The following SORCS2 variants were observed in gnomAD, a reference collection of about 807,000 sequenced individuals.
SORCS2 encodes VPS10 domain-containing receptor SorCS2.
In SORCS2, 100 loss-of-function variants were observed where a neutral mutation model predicts 141.6. The observed-to-expected ratio is 0.71, with a 90% CI of 0.60 to 0.83. The LOEUF is 0.83. Among genes scored for constraint, SORCS2 ranks in the 40% least tolerant of loss-of-function variants. The pLI is 0.00. For missense variants in SORCS2, 1,646 were observed against 1,560.2 expected (o/e 1.05, Z -0.93); for synonymous variants, 789 against 676.9 (o/e 1.17, Z -2.57).
intron 2 of SORCS2, among the ~76,000 whole-genome samples, chr4:7,475,122 C>A (rs1375722772): frequency 2.6e-5 from 4 of 152,268 alleles, no homozygotes; most frequent in Middle Eastern, 3.4e-3. Context: ...TTAAACATAC[C>A]TTTTAGGGGC....
chr4:7,342,013 T>C (rs985596639), intron 1 of SORCS2, among the ~76,000 whole-genome samples: 17 of 152,246 alleles, frequency 1.1e-4, no homozygotes, highest in African/African-American at 3.9e-4. Context: ...AGTCACGTCA[T>C]ACCATGTGTC....
chr4:7,386,097 G>T (rs985328060), intron 1 of SORCS2, among the ~76,000 whole-genome samples: 2 of 151,686 alleles, frequency 1.3e-5, no homozygotes, highest in East Asian at 3.9e-4. Context: ...ATGCACACAT[G>T]CACACACACA....
intron 2 of SORCS2, among the ~76,000 whole-genome samples, chr4:7,479,822 C>T (rs1560318720): frequency 6.6e-6 from 1 of 152,258 alleles, no homozygotes; most frequent in Non-Finnish European, 1.5e-5. Context: ...GAGTCAGCCT[C>T]TCACTCTCTG....
intron 5 of SORCS2, among the ~76,000 whole-genome samples, chr4:7,658,443 C>T (rs1721945566): frequency 6.6e-6 from 1 of 152,154 alleles, no homozygotes; most frequent in Admixed American, 6.5e-5. Context: ...GGGCCTGCTG[C>T]TGAAGGGAAC....
rs1006973635 is a variant in SORCS2 at position 7,322,949 on chromosome 4, G to A, written c.481-73339G>A. 2.8e-5 allele frequency among the ~76,000 whole-genome samples: 4 copies of A among 141,158 alleles called. No individual in the cohort carries two copies. In the East Asian group the frequency reaches 8.6e-4, roughly 30 times the overall value. 92.6% of individuals were successfully genotyped at this position (141,158 alleles called of 152,430 possible). On this transcript the variant is annotated intron_variant, in intron 1 of 26. Coordinates refer to ENST00000507866, the MANE Select transcript of SORCS2 (RefSeq NM_020777.3). ...TTTCAGTTTCTGCTGAAATCTACTA[G>A]GGCCTTGAGGACGGCCCTGCCCGTT...
Position 7,192,682 on chromosome 4 carries a change from C to A in SORCS2, c.36C>A (p.Gly12=). 2.0e-6 allele frequency: 2 copies of A among 988,572 alleles called. No individual in the cohort carries two copies. The highest frequency in any genetic ancestry group is 3.5e-5 in the African/African-American group (2 of 56,926). 61.2% of individuals were successfully genotyped at this position (988,572 alleles called of 1,614,324 possible). ...AHRGPSRASK[G]PGPTARAPSP... ...GGGGGCCCTCGCGCGCCTCGAAGGG[C>A]CCCGGCCCCACCGCCCGAGCCCCGA... The change falls in exon 1 of 27, where the codon GGC becomes GGA. Residue 12 remains glycine (G), a synonymous_variant. Coordinates refer to ENST00000507866, the MANE Select transcript of SORCS2 (RefSeq NM_020777.3). The surrounding 1 kb of genome is among the most constrained non-coding windows in gnomAD (Gnocchi z 4.0).
intron 2 of SORCS2, among the ~76,000 whole-genome samples, chr4:7,440,390 A>C (rs1297776773): frequency 1.3e-5 from 2 of 152,304 alleles, no homozygotes; most frequent in South Asian, 2.1e-4. Context: ...ACCAAGGGAG[A>C]GCACGAATAG....
chr4:7,320,877 C>CTCCCT (rs1272435069), intron 1 of SORCS2, among the ~76,000 whole-genome samples: 3 of 152,018 alleles, frequency 2.0e-5, no homozygotes, highest in Non-Finnish European at 4.4e-5. Context: ...TCCTCCCTTC[C>CTCCCT]TCCCTTCCCC....
chr4:7,466,972 T>C (rs573569731), intron 2 of SORCS2, among the ~76,000 whole-genome samples: 1 of 152,204 alleles, frequency 6.6e-6, no homozygotes, highest in South Asian at 2.1e-4. Flanking sequence ...CTTGTATGTA[T>C]GCAGGTGGCT....
At chr4:7,501,124 G>A (rs958300488) in intron 2 of SORCS2, among the ~76,000 whole-genome samples, 2 of 152,162 alleles carry the variant, frequency 1.3e-5, no homozygotes, top group African/African-American at 4.8e-5. Flanking sequence ...CGGGTGAGAC[G>A]AATCTTGCCC....
chr4:7,496,472 G>A (rs1196137584), intron 2 of SORCS2, among the ~76,000 whole-genome samples: 1 of 21,480 alleles, frequency 4.7e-5, no homozygotes, highest in Non-Finnish European at 1.0e-4. Context: ...CCCGTCCCCC[G>A]TCCCCCATCC....
chr4:7,737,272 G>A (rs979094382), intron 26 of SORCS2, 100 bp downstream of exon 26: 1,232 of 1,501,838 alleles, frequency 8.2e-4, no homozygotes, highest in Non-Finnish European at 1.1e-3. Flanking sequence ...TGGGCCGCTG[G>A]GGCCAGCAAA....
chr4:7,335,420 G>A (rs1035996937), intron 1 of SORCS2, among the ~76,000 whole-genome samples: 4 of 152,366 alleles, frequency 2.6e-5, no homozygotes, highest in South Asian at 4.1e-4. Flanking sequence ...AAACATGGGA[G>A]AGGAATTCCT....
At chr4:7,541,248 T>C (rs1310842774) in intron 3 of SORCS2, among the ~76,000 whole-genome samples, 1 of 151,922 alleles carries the variant, frequency 6.6e-6, no homozygotes, top group Non-Finnish European at 1.5e-5. Context: ...GTGGGCGCCA[T>C]TGTGGCACCC....
In SORCS2 at chr4:7,390,992, G is replaced by C. The variant is rs1482489513; in HGVS notation, c.481-5296G>C. 2.6e-5 allele frequency among the ~76,000 whole-genome samples: 4 copies of C among 152,262 alleles called. No homozygotes were observed. In the East Asian group the frequency reaches 5.8e-4, roughly 22 times the overall value. The stretch of plus-strand genomic sequence containing the variant: ...TCAGGGAGGAGGGGCTGAGCCTTGG[G>C]CGTCTATGTTCTGATTTCTGGTCTA... On this transcript the variant is annotated intron_variant, in intron 1 of 26. Transcript: ENST00000507866.
intron 3 of SORCS2, among the ~76,000 whole-genome samples, chr4:7,585,276 G>A (rs906468303): frequency 5.3e-5 from 8 of 152,196 alleles, no homozygotes; most frequent in African/African-American, 1.7e-4. Flanking sequence ...GGCTAAAACC[G>A]TCAGCTCTAG....
chr4:7,629,751 A>T (rs1039570928), intron 3 of SORCS2, among the ~76,000 whole-genome samples: 4 of 151,658 alleles, frequency 2.6e-5, no homozygotes, highest in Admixed American at 2.6e-4. Context: ...CCAGCCCCAT[A>T]TATCAAACCC....
intron 1 of SORCS2, among the ~76,000 whole-genome samples, chr4:7,261,824 C>G (rs1714348845): frequency 6.6e-6 from 1 of 152,204 alleles, no homozygotes; most frequent in African/African-American, 2.4e-5. Context: ...GGAAGGGGCC[C>G]TGTGGGCATG....
chr4:7,727,679 T>C (rs1266196881), intron 21 of SORCS2, among the ~76,000 whole-genome samples: 7 of 152,152 alleles, frequency 4.6e-5, no homozygotes, highest in Non-Finnish European at 1.0e-4. Flanking sequence ...CATTGTAAGA[T>C]GTTGGGTTTG....
Sources: allele counts gnomAD v4.1 joint callset (sites outside exome capture counted in the v4.1 genomes callset), GRCh38; gene constraint gnomAD v4.1.1; non-coding constraint Gnocchi (gnomAD v3.1); transcripts MANE v1.5; gene names NCBI Gene and HGNC (gene_info 2026-07-23, HGNC 2026-07-21).